Variants in CCSER1 observed in about 807,000 individuals in gnomAD.
The protein encoded by CCSER1 is serine-rich coiled-coil domain-containing protein 1.
A neutral mutation model predicts 82.0 loss-of-function variants in CCSER1; 41 were observed. The observed-to-expected ratio is 0.50, with a 90% CI of 0.39 to 0.65. The LOEUF (loss-of-function observed/expected upper bound fraction) is 0.65, where lower values mean the gene tolerates loss of function less well. CCSER1 is among the 30% of genes least tolerant of loss of function. The pLI is 0.00. For synonymous variants in CCSER1, 414 were observed against 383.9 expected (o/e 1.08, Z -0.92); for missense variants, 1,119 against 1,064.2 (o/e 1.05, Z -0.72).
chr4:90,575,830 G>A (rs1388569216), intron 5 of CCSER1, among the ~76,000 whole-genome samples: 1 of 152,008 alleles, frequency 6.6e-6, no homozygotes, highest in Non-Finnish European at 1.5e-5. Flanking sequence ...CTTTGTTACT[G>A]TCAAGAAGCC....
intron 3 of CCSER1, among the ~76,000 whole-genome samples, chr4:90,315,798 T>A (rs571654027): frequency 2.0e-5 from 3 of 152,316 alleles, no homozygotes; most frequent in African/African-American, 7.2e-5. Context: ...TCACCGCACC[T>A]GAGCAGTTAC....
At chr4:90,950,505 T>TAC in intron 9 of CCSER1, among the ~76,000 whole-genome samples, 1 of 151,380 alleles carries the variant, frequency 6.6e-6, no homozygotes, top group East Asian at 2.0e-4. Context: ...AACATACACA[T>TAC]ACACACACAC....
At chr4:90,811,908 TATAC>T (rs1189764159) in intron 7 of CCSER1, among the ~76,000 whole-genome samples, 8,525 of 118,342 alleles carry the variant, frequency 0.072, 560 homozygotes, top group African/African-American at 0.23. Flanking sequence ...GGAATATATA[TATAC>T]ACACACACAC....
chr4:91,170,959 G>A (rs1732685019), intron 10 of CCSER1, among the ~76,000 whole-genome samples: 1 of 152,196 alleles, frequency 6.6e-6, no homozygotes, highest in Non-Finnish European at 1.5e-5. Flanking sequence ...AGCAAAATGA[G>A]AAGCTGCTGG....
Position 90,309,542 on chromosome 4 carries a change from C to T in CCSER1, c.1258C>T (p.Pro420Ser), listed in dbSNP as rs184476624. The T allele has an allele frequency of 4.4e-5, 71 of 1,611,210 alleles. No homozygotes were observed. The African/African-American group carries it at 8.8e-4, about 20-fold the overall frequency. ...TCCTATTTCAGATTCAAAGATAATA[C>T]CTACTTCTGGTGATCATCATATTTT... ...IHPISDSKIIPTSGDHHIFNK... is the reference protein window; with the variant it reads ...IHPISDSKIISTSGDHHIFNK... Residue 420 changes from proline to serine, a missense_variant, in exon 2 of 11, where the codon CCT (proline) becomes TCT (serine). Physicochemically the swap from Pro to Ser is moderately conservative, Grantham distance 74. Coordinates refer to ENST00000509176, the MANE Select transcript of CCSER1 (RefSeq NM_001145065.2).
At chr4:91,371,818 C>T (rs1454704584) in intron 10 of CCSER1, among the ~76,000 whole-genome samples, 4 of 48,738 alleles carry the variant, frequency 8.2e-5, no homozygotes, top group African/African-American at 6.3e-4. Flanking sequence ...TACCTGTGAC[C>T]ATCACCGTAG....
intron 7 of CCSER1, among the ~76,000 whole-genome samples, chr4:90,774,630 G>A (rs1752661389): frequency 6.6e-6 from 1 of 152,024 alleles, no homozygotes. Context: ...GCTAGATTGT[G>A]TCATGTCCAT....
intron 9 of CCSER1, among the ~76,000 whole-genome samples, chr4:91,023,376 T>C (rs1237597950): frequency 1.3e-5 from 2 of 152,130 alleles, no homozygotes; most frequent in Admixed American, 6.5e-5. Flanking sequence ...AGAACAAAGC[T>C]GGAGACATCA....
chr4:91,468,711 A>G (rs1578541291), intron 10 of CCSER1, among the ~76,000 whole-genome samples: 1 of 152,076 alleles, frequency 6.6e-6, no homozygotes, highest in African/African-American at 2.4e-5. Context: ...AATTATTAAA[A>G]TATATTCTTT....
chr4:90,416,219 A>C (rs568322438), intron 4 of CCSER1, among the ~76,000 whole-genome samples: 1 of 152,192 alleles, frequency 6.6e-6, no homozygotes, highest in Non-Finnish European at 1.5e-5. Context: ...TAAATATTTT[A>C]AAATTCATAA....
At chr4:90,690,221 G>T (rs549882975) in intron 6 of CCSER1, among the ~76,000 whole-genome samples, 113 of 152,088 alleles carry the variant, frequency 7.4e-4, no homozygotes, top group Admixed American at 6.8e-3. Context: ...GATATTGAAG[G>T]CACAATACTC....
intron 4 of CCSER1, among the ~76,000 whole-genome samples, chr4:90,455,901 C>G (rs182360602): frequency 6.6e-6 from 1 of 152,284 alleles, no homozygotes; most frequent in Non-Finnish European, 1.5e-5. Context: ...GCCTTTGGAT[C>G]TCTCACATCT....
chr4:90,602,945 G>T (rs1483217006), intron 5 of CCSER1, among the ~76,000 whole-genome samples: 4 of 152,262 alleles, frequency 2.6e-5, no homozygotes, highest in African/African-American at 9.6e-5. Context: ...ATTCCGAAGT[G>T]CTTCTAGGGA....
chr4:91,176,693 T>G, intron 10 of CCSER1, among the ~76,000 whole-genome samples: 1 of 152,224 alleles, frequency 6.6e-6, no homozygotes, highest in Non-Finnish European at 1.5e-5. Flanking sequence ...TTGCTGAAGT[T>G]GCTTATCAGC....
chr4:90,757,933 C>CTTTTTTT (rs200053849), intron 7 of CCSER1, among the ~76,000 whole-genome samples: 21 of 136,470 alleles, frequency 1.5e-4, no homozygotes, highest in African/African-American at 1.6e-4. Flanking sequence ...GTTTCCTTTT[C>CTTTTTTT]TTTTTTTTTT....
In CCSER1 at chr4:90,279,472, A is replaced by G. The variant is rs1001570493; in HGVS notation, c.-41-28772A>G. Among the ~76,000 whole-genome samples, 7 of 152,172 alleles carry G rather than the reference A, an allele frequency of 4.6e-5. No homozygotes were observed. The East Asian group carries it at 1.4e-3, about 29-fold the overall frequency. ...GCAGAGTAAGCAATAGCAGACTTCTAGGAAGGTGCTGGAATTCCCAAGATG... is the reference window on the plus strand; with the variant it reads ...GCAGAGTAAGCAATAGCAGACTTCTGGGAAGGTGCTGGAATTCCCAAGATG... On this transcript the variant is annotated intron_variant, in intron 1 of 10. Transcript: ENST00000509176.
intron 10 of CCSER1, among the ~76,000 whole-genome samples, chr4:91,480,834 A>T (rs985577840): frequency 6.6e-6 from 1 of 152,318 alleles, no homozygotes; most frequent in East Asian, 1.9e-4. Context: ...GTTAATATGT[A>T]ACAAGTGTCT....
chr4:91,424,521 T>G (rs1290326778), intron 10 of CCSER1, among the ~76,000 whole-genome samples: 1 of 152,158 alleles, frequency 6.6e-6, no homozygotes, highest in East Asian at 1.9e-4. Flanking sequence ...TATTTCACAT[T>G]TATCCACATT....
chr4:90,472,971 G>A (rs1399897621), intron 5 of CCSER1, among the ~76,000 whole-genome samples: 5 of 152,104 alleles, frequency 3.3e-5, no homozygotes, highest in Admixed American at 6.5e-5. Context: ...ATATCCATAC[G>A]TAATAATTGG....
Sources: allele counts gnomAD v4.1 joint callset (sites outside exome capture counted in the v4.1 genomes callset), GRCh38; gene constraint gnomAD v4.1.1; transcripts MANE v1.5; gene names NCBI Gene and HGNC (gene_info 2026-07-23, HGNC 2026-07-21).